Variants in MAVS observed in about 807,000 individuals in gnomAD.
MAVS encodes the protein mitochondrial antiviral signaling protein, also known as mitochondrial antiviral-signaling protein.
In MAVS, 20 loss-of-function variants were observed where a neutral mutation model predicts 30.2. The ratio of observed to expected loss-of-function variants is 0.66; its 90% CI spans 0.47 to 0.96. The LOEUF (loss-of-function observed/expected upper bound fraction) is 0.96. Ranked by LOEUF, MAVS falls within the 40% of genes least tolerant of loss-of-function variation. The probability of loss-of-function intolerance (pLI) is 0.00; values close to 1 mark genes in which losing one functional copy is unlikely to be tolerated. For missense variants in MAVS, 624 were observed against 701.1 expected (o/e 0.89, Z 1.24); for synonymous variants, 278 against 293.9 (o/e 0.95, Z 0.55).
chr20:3,864,191 C>CT, intron 5 of MAVS, 65 bp from the exon 6 acceptor site: 3 of 1,517,952 alleles, frequency 2.0e-6, no homozygotes, highest in Non-Finnish European at 2.7e-6. Flanking sequence ...CAGAGGGACC[C>CT]TTCTCCAGGC....
chr20:3,873,877 A>G lies in MAVS; in HGVS notation c.*7730A>G, dbSNP rs2089972648. The stretch of plus-strand genomic sequence containing the variant: ...TGGCAGTATCTACCAAAAGCCGAAC[A>G]TACGTATAAACTGATCCAGCAGTTC... On this transcript the variant is annotated 3_prime_UTR_variant, in exon 7 of 7. Transcript: ENST00000428216. The G allele has an allele frequency of 2.6e-6, 1 of 378,272 alleles. No individual in the cohort carries two copies. The highest frequency in any genetic ancestry group is 4.6e-6 in the Non-Finnish European group (1 of 215,800). 23.4% of individuals were successfully genotyped at this position (378,272 alleles called of 1,614,324 possible).
At chr20:3,862,995 G>A (rs2089878042) in intron 5 of MAVS, among the ~76,000 whole-genome samples, 1 of 152,202 alleles carries the variant, frequency 6.6e-6, no homozygotes, top group African/African-American at 2.4e-5. Flanking sequence ...GTGGGGCTGG[G>A]TGGAGATGAG....
At chr20:3,860,168 A>G (rs971655716) in intron 3 of MAVS, among the ~76,000 whole-genome samples, 3 of 151,736 alleles carry the variant, frequency 2.0e-5, no homozygotes, top group South Asian at 4.2e-4. Context: ...TTTTGGACCT[A>G]TGGGTGGGGC....
intron 1 of MAVS, among the ~76,000 whole-genome samples, chr20:3,848,690 T>G (rs2089731936): frequency 6.6e-6 from 1 of 152,160 alleles, no homozygotes; most frequent in Non-Finnish European, 1.5e-5. Context: ...GATGCCCACT[T>G]GGTCCTCTCC....
chr20:3,850,967 T>C (rs2089755320), intron 1 of MAVS, among the ~76,000 whole-genome samples: 1 of 151,206 alleles, frequency 6.6e-6, no homozygotes, highest in Non-Finnish European at 1.5e-5. Context: ...AGAGGATCAC[T>C]TGAGGTCAAG....
At position 3,857,780 on chromosome 20, in the gene MAVS, T is replaced by G; in HGVS notation, c.263T>G (p.Val88Gly). 1 of 1,614,212 alleles carries G rather than the reference T, an allele frequency of 6.2e-7. No homozygotes were observed. Among genetic ancestry groups the G allele is most frequent in the South Asian group, 1.1e-5 (1 of 91,092 alleles). Residue 88 changes from valine (V) to glycine (G), a missense_variant, in exon 3 of 7, where the codon GTG becomes GGG. By Grantham distance (109) the Val-to-Gly change is moderately radical. Transcript: ENST00000428216. ...GCELVDLADE[V>G]ASVYQSYQPR... ...GAGCTAGTTGATCTCGCGGACGAAGTGGCCTCTGTCTACCAGAGCTACCAG... is the reference window on the plus strand; with the variant it reads ...GAGCTAGTTGATCTCGCGGACGAAGGGGCCTCTGTCTACCAGAGCTACCAG...
Position 3,859,507 on chromosome 20 carries a change from C to CA in MAVS, c.292+1698_292+1699insA, listed in dbSNP as rs199742670. Among the ~76,000 whole-genome samples the CA allele has an allele frequency of 3.0e-3, 107 of 36,048 alleles. 1 individual carries two copies. The highest frequency in any genetic ancestry group is 0.015 in the East Asian group (27 of 1,786). The allele number at this position is 36,048 out of a possible 152,430, so 23.6% of individuals were successfully genotyped here. A position where few individuals can be genotyped will look rare whatever the true frequency, so the allele number is the denominator to read the frequency against. ...TGGATGACAGAGTGAGACTCCGTCT[C>CA]CAAAAAAAAAAAACCCAAAAATAGT... On this transcript the variant is annotated intron_variant, in intron 3 of 6. Coordinates refer to ENST00000428216, the MANE Select transcript of MAVS (RefSeq NM_020746.5).
At chr20:3,853,659 T>G (rs2089783884) in intron 1 of MAVS, among the ~76,000 whole-genome samples, 1 of 152,002 alleles carries the variant, frequency 6.6e-6, no homozygotes, top group South Asian at 2.1e-4. Flanking sequence ...CTGGGCATAG[T>G]GGCGCAGGTT....
At chr20:3,848,241 GGT>G (rs1190334052) in intron 1 of MAVS, among the ~76,000 whole-genome samples, 1 of 152,068 alleles carries the variant, frequency 6.6e-6, no homozygotes, top group Non-Finnish European at 1.5e-5. Context: ...TGGGACTACA[GGT>G]GTGTGCCACC....
Position 3,866,841 on chromosome 20 carries a change from C to A in MAVS, c.*694C>A, listed in dbSNP as rs1323950806. On this transcript the variant is annotated 3_prime_UTR_variant, in exon 7 of 7. Transcript: ENST00000428216. ...TCCTCTTTCCCTCCCCTCTGGTCTC[C>A]ATTCTCTTCAGCTCCCTACATGGGC... 1 of 456,692 alleles carries A rather than the reference C, an allele frequency of 2.2e-6. No individual in the cohort carries two copies. The highest frequency in any genetic ancestry group is 1.6e-5 in the South Asian group (1 of 64,494). 28.3% of individuals were successfully genotyped at this position (456,692 alleles called of 1,614,324 possible).
intron 1 of MAVS, among the ~76,000 whole-genome samples, chr20:3,850,068 G>C (rs1220005990): frequency 6.7e-6 from 1 of 150,062 alleles, no homozygotes; most frequent in Non-Finnish European, 1.5e-5. Context: ...CACGAGGTCA[G>C]GAGATCGAGA....
At chr20:3,861,743 T>TTGTGTGTGTGTG (rs111361032) in intron 4 of MAVS, among the ~76,000 whole-genome samples, 7 of 148,796 alleles carry the variant, frequency 4.7e-5, no homozygotes, top group Non-Finnish European at 1.0e-4. Flanking sequence ...GACCACAGTT[T>TTGTGTGTGTGTG]TGTGTGTGTG....
chr20:3,862,451 C>T, intron 5 of MAVS, 38 bp downstream of exon 5: 1 of 1,587,942 alleles, frequency 6.3e-7, no homozygotes. Flanking sequence ...TCCTTCTGAT[C>T]TCTCAAGTGA....
At position 3,870,784 on chromosome 20, in the gene MAVS, TAAC is replaced by T. The variant is rs1403767307; in HGVS notation, c.*4640_*4642del. ...ACACAAAAAAGTAGAGAGAGTAGAATAACAAATCCCCATGAGCCCATCACCCAA... is the reference window on the plus strand; with the variant it reads ...ACACAAAAAAGTAGAGAGAGTAGAATAAATCCCCATGAGCCCATCACCCAA... On this transcript the variant is annotated 3_prime_UTR_variant, in exon 7 of 7. Transcript: ENST00000428216. 1 of 149,266 alleles carries T rather than the reference TAAC, an allele frequency of 6.7e-6. No individual in the cohort carries two copies. Among genetic ancestry groups the T allele is most frequent in the African/African-American group, 2.5e-5 (1 of 40,580 alleles). The allele number at this position is 149,266 out of a possible 1,614,324, so 9.2% of individuals were successfully genotyped here.
Position 3,866,121 on chromosome 20 carries a change from G to A in MAVS, c.1597G>A (p.Val533Met), listed in dbSNP as rs763515809. The A allele has an allele frequency of 9.4e-6, 15 of 1,600,024 alleles. No homozygotes were observed. The East Asian group carries it at 3.4e-4, about 36-fold the overall frequency. The change falls in exon 7 of 7, where the codon GTG becomes ATG. Residue 533 changes from valine (V) to methionine (M), a missense_variant. By Grantham distance (21) the Val-to-Met change is conservative. Transcript: ENST00000428216. ...TGVLVVTLLV[V>M]LYRRRLH is the part of the protein sequence containing the mutation. Reference sequence around the variant, plus strand: ...GGTGCTGGTAGTCACACTCCTGGTGGTGCTGTACCGGCGGCGTCTGCACTA... The same window carrying A: ...GGTGCTGGTAGTCACACTCCTGGTGATGCTGTACCGGCGGCGTCTGCACTA...
intron 2 of MAVS, among the ~76,000 whole-genome samples, chr20:3,857,360 T>G (rs1337645345): frequency 6.6e-6 from 1 of 152,190 alleles, no homozygotes; most frequent in Non-Finnish European, 1.5e-5. Flanking sequence ...GAGATAATAA[T>G]GGCATTAAAT....
At chr20:3,854,830 C>T in intron 2 of MAVS, 89 bp downstream of exon 2, 1 of 815,694 alleles carries the variant, frequency 1.2e-6, no homozygotes, top group Admixed American at 2.4e-5. Context: ...CTCACCCAAG[C>T]CTGGGCTGGC....
intron 1 of MAVS, among the ~76,000 whole-genome samples, chr20:3,852,157 G>T (rs2089767284): frequency 6.6e-6 from 1 of 151,920 alleles, no homozygotes; most frequent in Admixed American, 6.6e-5. Context: ...AGTACGCCGG[G>T]CTAATTTTTT....
chr20:3,856,454 C>T (rs1450796061), intron 2 of MAVS, among the ~76,000 whole-genome samples: 1 of 146,786 alleles, frequency 6.8e-6, no homozygotes, highest in Non-Finnish European at 1.5e-5. Flanking sequence ...TGGGTTCAAG[C>T]AATTCTCCTG....
Sources: allele counts gnomAD v4.1 joint callset (sites outside exome capture counted in the v4.1 genomes callset), GRCh38; gene constraint gnomAD v4.1.1; transcripts MANE v1.5; gene names NCBI Gene and HGNC (gene_info 2026-07-23, HGNC 2026-07-21).